MGAT4C: variants seen among roughly 807,000 people sequenced by gnomAD.
The protein encoded by MGAT4C is alpha-1,3-mannosyl-glycoprotein 4-beta-N-acetylglucosaminyltransferase C.
MGAT4C carries 19 observed loss-of-function variants against 40.1 expected under a neutral mutation model. The ratio of observed to expected loss-of-function variants is 0.47; its 90% CI spans 0.33 to 0.70. The LOEUF is 0.70. Among genes scored for constraint, MGAT4C ranks in the 30% least tolerant of loss-of-function variants. The pLI is 0.02. For synonymous variants in MGAT4C, 181 were observed against 187.1 expected (o/e 0.97, Z 0.27); for missense variants, 491 against 563.2 (o/e 0.87, Z 1.30).
chr12:86,377,404 T>C (rs1955850357), intron 3 of MGAT4C, among the ~76,000 whole-genome samples: 1 of 152,152 alleles, frequency 6.6e-6, no homozygotes, highest in Non-Finnish European at 1.5e-5. Flanking sequence ...TTTTTTCCTA[T>C]TATTTTAAAA....
At chr12:86,055,823 A>C (rs896672815) in intron 1 of MGAT4C, among the ~76,000 whole-genome samples, 4 of 152,008 alleles carry the variant, frequency 2.6e-5, no homozygotes, top group Admixed American at 2.6e-4. Context: ...CTTATGATTC[A>C]AGTATCTTTT....
intron 2 of MGAT4C, among the ~76,000 whole-genome samples, chr12:86,566,726 C>T (rs1960142258): frequency 2.3e-5 from 3 of 129,150 alleles, no homozygotes. Context: ...TGTATATATA[C>T]ATACATATGT....
At chr12:86,174,355 A>C (rs1033507742) in intron 1 of MGAT4C, among the ~76,000 whole-genome samples, 1 of 152,088 alleles carries the variant, frequency 6.6e-6, no homozygotes, top group Non-Finnish European at 1.5e-5. Context: ...CAGTTGTTTT[A>C]ATCTTAACAG....
intron 3 of MGAT4C, among the ~76,000 whole-genome samples, chr12:86,355,220 T>C (rs1955282472): frequency 1.3e-5 from 2 of 152,196 alleles, no homozygotes; most frequent in Admixed American, 6.5e-5. Flanking sequence ...AGACCACTGA[T>C]TGGTGCATTT....
intron 2 of MGAT4C, among the ~76,000 whole-genome samples, chr12:86,437,653 A>G (rs1180035802): frequency 6.6e-6 from 1 of 151,940 alleles, no homozygotes; most frequent in African/African-American, 2.4e-5. Context: ...CATTGAATAA[A>G]TTATCAGCAC....
chr12:86,718,138 T>C (rs528996957), intron 2 of MGAT4C, among the ~76,000 whole-genome samples: 15 of 152,270 alleles, frequency 9.9e-5, no homozygotes, highest in African/African-American at 2.9e-4. Flanking sequence ...CACAACAAAA[T>C]TGCCGGGCTT....
intron 1 of MGAT4C, among the ~76,000 whole-genome samples, chr12:86,129,571 TTTTTTTG>T (rs1235507469): frequency 1.7e-4 from 2 of 11,712 alleles, no homozygotes; most frequent in Non-Finnish European, 2.4e-4. Context: ...TTTTTTTTTT[TTTTTTTG>T]AGACGGAGTC....
chr12:86,433,452 G>A (rs1248381336), intron 3 of MGAT4C, among the ~76,000 whole-genome samples: 1 of 151,810 alleles, frequency 6.6e-6, no homozygotes, highest in Admixed American at 6.6e-5. Context: ...TTTTGTTGTT[G>A]TAGCTTGCTG....
intron 2 of MGAT4C, among the ~76,000 whole-genome samples, chr12:86,027,290 G>T (rs1245563449): frequency 6.6e-6 from 1 of 151,668 alleles, no homozygotes; most frequent in Non-Finnish European, 1.5e-5. Flanking sequence ...AAAGACAATG[G>T]CTGCGACTAA....
intron 1 of MGAT4C, among the ~76,000 whole-genome samples, chr12:86,086,169 A>G (rs1871801745): frequency 6.6e-6 from 1 of 152,176 alleles, no homozygotes; most frequent in African/African-American, 2.4e-5. Context: ...GACTGCATAA[A>G]GAAAATGTGG....
intron 2 of MGAT4C, among the ~76,000 whole-genome samples, chr12:86,688,157 C>CTTTTTT (rs55637680): frequency 2.6e-4 from 17 of 65,232 alleles, no homozygotes; most frequent in African/African-American, 6.4e-4. Flanking sequence ...GCAACCCCTG[C>CTTTTTT]TTTTTTTTTT....
At chr12:86,305,006 C>G (rs773089521) in intron 4 of MGAT4C, among the ~76,000 whole-genome samples, 7 of 150,674 alleles carry the variant, frequency 4.6e-5, no homozygotes, top group Non-Finnish European at 8.8e-5. Context: ...GTGTATGATA[C>G]TTGTTATGGC....
Position 86,650,987 on chromosome 12 carries a change from C to T in MGAT4C, c.-229+76222G>A, listed in dbSNP as rs183890513. On this transcript the variant is annotated intron_variant, in intron 2 of 7. Transcript: ENST00000548651. ...GTATCATTACTTTAGCCTGTCTTATCCTTGAGGGCATAAGAACACTTAAAA... is the reference window on the plus strand; with the variant it reads ...GTATCATTACTTTAGCCTGTCTTATTCTTGAGGGCATAAGAACACTTAAAA... 5.3e-5 allele frequency among the ~76,000 whole-genome samples: 8 copies of T among 151,908 alleles called. No individual in the cohort carries two copies. In the South Asian group the frequency reaches 6.2e-4, roughly 12 times the overall value.
At chr12:86,422,525 T>C (rs941061930) in intron 3 of MGAT4C, among the ~76,000 whole-genome samples, 1 of 152,186 alleles carries the variant, frequency 6.6e-6, no homozygotes, top group African/African-American at 2.4e-5. Context: ...AATCTCTGGT[T>C]GTAAGAATGT....
intron 3 of MGAT4C, among the ~76,000 whole-genome samples, chr12:86,399,812 T>C (rs972270824): frequency 2.6e-5 from 4 of 152,196 alleles, no homozygotes; most frequent in South Asian, 2.1e-4. Flanking sequence ...CCTTGCCCTA[T>C]ATATAACTTC....
intron 1 of MGAT4C, among the ~76,000 whole-genome samples, chr12:86,759,479 G>A (rs1951364287): frequency 1.3e-5 from 2 of 152,008 alleles, no homozygotes; most frequent in South Asian, 4.2e-4. Flanking sequence ...TTCAGAATAG[G>A]TGTACTAATT....
At chr12:86,424,944 G>C (rs1956897723) in intron 3 of MGAT4C, among the ~76,000 whole-genome samples, 1 of 152,098 alleles carries the variant, frequency 6.6e-6, no homozygotes, top group African/African-American at 2.4e-5. Context: ...TTTTAGTAGA[G>C]ACGGGGTTTC....
chr12:86,670,599 T>C (rs898841371), intron 2 of MGAT4C, among the ~76,000 whole-genome samples: 2 of 152,152 alleles, frequency 1.3e-5, no homozygotes, highest in African/African-American at 4.8e-5. Flanking sequence ...ACCAATCCTA[T>C]AAGTTGTTCG....
chr12:86,343,929 A>G (rs1420032635), intron 3 of MGAT4C, among the ~76,000 whole-genome samples: 2 of 151,960 alleles, frequency 1.3e-5, no homozygotes, highest in African/African-American at 4.8e-5. Context: ...CTGTTTGGCC[A>G]TTCTTTCACA....
Sources: allele counts gnomAD v4.1 joint callset (sites outside exome capture counted in the v4.1 genomes callset), GRCh38; gene constraint gnomAD v4.1.1; transcripts MANE v1.5; gene names NCBI Gene and HGNC (gene_info 2026-07-23, HGNC 2026-07-21).